The following PIM1 variants were observed in gnomAD, a reference collection of about 807,000 sequenced individuals.
The protein encoded by PIM1 is Pim-1 proto-oncogene, serine/threonine kinase, also known as serine/threonine-protein kinase pim-1.
A neutral mutation model predicts 34.5 loss-of-function variants in PIM1; 9 were observed. The ratio of observed to expected loss-of-function variants is 0.26; its 90% CI spans 0.16 to 0.46. The LOEUF (loss-of-function observed/expected upper bound fraction) is 0.46, where lower values mean the gene tolerates loss of function less well. PIM1 is among the 20% of genes least tolerant of loss of function. PIM1 has a pLI of 1.00. For missense variants in PIM1, 274 were observed against 410.9 expected (o/e 0.67, Z 2.88); for synonymous variants, 199 against 175.2 (o/e 1.14, Z -1.07).
In PIM1 at chr6:37,173,963, G is replaced by T. The variant is rs770738366; in HGVS notation, c.814G>T (p.Ala272Ser). The T allele has an allele frequency of 1.9e-6, 3 of 1,613,780 alleles. No individual in the cohort carries two copies. The highest frequency in any genetic ancestry group is 1.7e-6 in the Non-Finnish European group (2 of 1,179,932). Residue 272 changes from alanine (A) to serine (S), a missense_variant, in exon 6 of 6, where the codon GCC becomes TCC. By Grantham distance (99) the Ala-to-Ser change is moderately conservative. Around this residue, in one of 2 missense-constraint regions of PIM1, gnomAD observed 168 missense variants for 299.4 expected, o/e 0.56. Transcript: ENST00000373509. ...TCAGCATCTCATTAGATGGTGCTTG[G>T]CCCTGAGACCATCAGATAGGCCAAC... ...ECQHLIRWCL[A>S]LRPSDRPTFE...
At position 37,170,780 on chromosome 6, in the gene PIM1, G is replaced by A. The variant is rs537732412; in HGVS notation, c.90G>A (p.Glu30=). 6.2e-7 allele frequency: 1 copy of A among 1,612,556 alleles called. No homozygotes were observed. The highest frequency in any genetic ancestry group is 8.5e-7 in the Non-Finnish European group (1 of 1,179,636). The change falls in exon 2 of 6, where the codon GAG becomes GAA. Residue 30 remains glutamate, a synonymous_variant. Transcript: ENST00000373509. ...TGCTTCCCCCTTTCCTAGGCAAGGA[G>A]AAGGAGCCCCTGGAGTCGCAGTACC... is the stretch of plus-strand genomic sequence containing the variant. The part of the protein sequence containing the change: ...LHATKLAPGK[E]KEPLESQYQV...
intron 5 of PIM1, 55 bp from the exon 6 acceptor site, chr6:37,173,879 G>C (rs1041121186): frequency 1.3e-6 from 2 of 1,533,014 alleles, no homozygotes; most frequent in South Asian, 1.2e-5. Context: ...GAAGACCTTT[G>C]CAGTGTAAAA....
rs1304020664 is a variant in PIM1, at chr6:37,171,268, T to C, written c.384T>C (p.Asp128=). The part of the protein sequence containing the change: ...LILERPEPVQ[D]LFDFITERGA... Reference sequence around the variant, plus strand: ...TGGAGAGGCCCGAGCCGGTGCAAGATCTCTTCGACTTCATCACGGAAAGGG... The same window carrying C: ...TGGAGAGGCCCGAGCCGGTGCAAGACCTCTTCGACTTCATCACGGAAAGGG... The change falls in exon 4 of 6, where the codon GAT becomes GAC. Residue 128 remains aspartate, a synonymous_variant. Transcript: ENST00000373509. 33 of 1,613,944 alleles carry C rather than the reference T, an allele frequency of 2.0e-5. No homozygotes were observed. The highest frequency in any genetic ancestry group is 2.6e-5 in the Non-Finnish European group (31 of 1,180,028).
Position 37,175,100 on chromosome 6 carries a change from G to T in PIM1, c.*1009G>T. 4.3e-6 allele frequency: 1 copy of T among 233,540 alleles called. No individual in the cohort carries two copies. 14.5% of individuals were successfully genotyped at this position (233,540 alleles called of 1,614,324 possible). A position where few individuals can be genotyped will look rare whatever the true frequency, so the allele number is the denominator to read the frequency against. Reference sequence around the variant, plus strand: ...TCTGACTTGGGGACCTTTTGGGGGAGGGCTGCGACGCTTGCTCTGTTTGTG... The same window carrying T: ...TCTGACTTGGGGACCTTTTGGGGGATGGCTGCGACGCTTGCTCTGTTTGTG... On this transcript the variant is annotated 3_prime_UTR_variant, in exon 6 of 6. Transcript: ENST00000373509.
intron 4 of PIM1, chr6:37,172,530 G>A: frequency 2.2e-6 from 1 of 450,020 alleles, no homozygotes; most frequent in South Asian, 1.6e-5. Flanking sequence ...CTCCCAAAGG[G>A]CACCCTGACT....
chr6:37,172,962 A>AT, intron 4 of PIM1, 34 bp from the exon 5 acceptor site: 1 of 1,595,548 alleles, frequency 6.3e-7, no homozygotes, highest in Non-Finnish European at 8.6e-7. Flanking sequence ...TTTTGCTAAA[A>AT]GTGTGTTTTC....
rs896633030 is a variant in PIM1 at position 37,170,197 on chromosome 6, G to T, written c.-379G>T. 7.7e-6 allele frequency: 9 copies of T among 1,167,900 alleles called. No homozygotes were observed. The highest frequency in any genetic ancestry group is 9.6e-6 in the Non-Finnish European group (9 of 937,166). 72.3% of individuals were successfully genotyped at this position (1,167,900 alleles called of 1,614,324 possible). A position where few individuals can be genotyped will look rare whatever the true frequency, so the allele number is the denominator to read the frequency against. ...CCGGGCGTCTGCTGCAGCGGCCGCGGTGGCTGAGGAGGCCCGAGAGGAGTC... is the reference window on the plus strand; with the variant it reads ...CCGGGCGTCTGCTGCAGCGGCCGCGTTGGCTGAGGAGGCCCGAGAGGAGTC... On this transcript the variant is annotated 5_prime_UTR_variant, in exon 1 of 6. Transcript: ENST00000373509.
intron 5 of PIM1, among the ~76,000 whole-genome samples, chr6:37,173,602 C>A (rs1227840709): frequency 6.6e-6 from 1 of 152,142 alleles, no homozygotes; most frequent in Non-Finnish European, 1.5e-5. Flanking sequence ...TGAATTGAAT[C>A]ATTTCATCAT....
intron 4 of PIM1, among the ~76,000 whole-genome samples, chr6:37,171,792 T>G (rs757375372): frequency 6.6e-6 from 1 of 152,186 alleles, no homozygotes; most frequent in South Asian, 2.1e-4. Context: ...TTTTCTAAAG[T>G]CTGACCCAGT....
chr6:37,175,068 T>C lies in PIM1; in HGVS notation c.*977T>C. The C allele has an allele frequency of 4.3e-6, 1 of 233,620 alleles. No homozygotes were observed. Among genetic ancestry groups the C allele is most frequent in the Non-Finnish European group, 8.5e-6 (1 of 118,154 alleles). 14.5% of individuals were successfully genotyped at this position (233,620 alleles called of 1,614,324 possible). ...TGCTGCCCTAGTTTTCTTTCCTCCT[T>C]TCCTCCTCTGACTTGGGGACCTTTT... On this transcript the variant is annotated 3_prime_UTR_variant, in exon 6 of 6. Coordinates refer to ENST00000373509, the MANE Select transcript of PIM1 (RefSeq NM_002648.4).
chr6:37,173,275 G>A, intron 5 of PIM1, 103 bp downstream of exon 5: 2 of 1,022,728 alleles, frequency 2.0e-6, no homozygotes, highest in Non-Finnish European at 2.9e-6. Context: ...CTCTCCAGTA[G>A]ATTCTGTCAC....
rs1170994905 is a variant in PIM1 at position 37,170,369 on chromosome 6, C to T, written c.-207C>T. ...AGCGCTGCCCGACCCCGCTGGCGCG[C>T]CCTCCCGCCGCCAGTCCCGGCAGCG... On this transcript the variant is annotated 5_prime_UTR_variant, in exon 1 of 6. Coordinates refer to ENST00000373509, the MANE Select transcript of PIM1 (RefSeq NM_002648.4). 6.6e-7 allele frequency: 1 copy of T among 1,521,204 alleles called. No homozygotes were observed. Among genetic ancestry groups the T allele is most frequent in the Non-Finnish European group, 8.8e-7 (1 of 1,140,446 alleles). 94.2% of individuals were successfully genotyped at this position (1,521,204 alleles called of 1,614,324 possible).
At chr6:37,172,323 A>G (rs1257928019) in intron 4 of PIM1, 3 of 306,064 alleles carry the variant, frequency 9.8e-6, no homozygotes, top group Non-Finnish European at 1.9e-5. Context: ...GGGTCCTCCC[A>G]TGTTTTTTCT....
chr6:37,170,803 A>G lies in PIM1; in HGVS notation c.113A>G (p.Tyr38Cys), dbSNP rs761386793. ...GKEKEPLESQ[Y>C]QVGPLLGSGG... ...GAGAAGGAGCCCCTGGAGTCGCAGT[A>G]CCAGGTGGGCCCGCTACTGGGCAGC... Residue 38 changes from tyrosine to cysteine, a missense_variant, in exon 2 of 6, where the codon TAC (tyrosine) becomes TGC (cysteine). By Grantham distance (194) the Tyr-to-Cys change is radical. This residue lies in a region of PIM1 where 106 missense variants were observed against 111.5 expected (regional missense o/e 0.95). Transcript: ENST00000373509. 6.2e-7 allele frequency: 1 copy of G among 1,612,788 alleles called. No individual in the cohort carries two copies. The highest frequency in any genetic ancestry group is 2.2e-5 in the East Asian group (1 of 44,788).
At chr6:37,170,706 A>G (rs2113769291) in intron 1 of PIM1, 49 bp downstream of exon 1, 1 of 1,605,128 alleles carries the variant, frequency 6.2e-7, no homozygotes, top group Non-Finnish European at 8.5e-7. Context: ...CGGCGGCGGG[A>G]TCTCCTGGGT....
intron 5 of PIM1, 53 bp downstream of exon 5, chr6:37,173,225 A>C (rs1762340165): frequency 6.6e-7 from 1 of 1,524,406 alleles, no homozygotes; most frequent in Non-Finnish European, 9.1e-7. Context: ...TGGGGCTATT[A>C]GTCTTCATGG....
At chr6:37,170,916 G>A in intron 2 of PIM1, 37 bp downstream of exon 2, 1 of 1,612,442 alleles carries the variant, frequency 6.2e-7, no homozygotes, top group Non-Finnish European at 8.5e-7. Flanking sequence ...GGCGCGCCGG[G>A]CGGGGGGCGC....
In PIM1 at chr6:37,174,469, G is replaced by T; in HGVS notation, c.*378G>T. On this transcript the variant is annotated 3_prime_UTR_variant, in exon 6 of 6. Transcript: ENST00000373509. ...CGATGGGTCAGGTAGGGGGGAAACA[G>T]GTTGGGATGGGATAGGACTAGCACC... The T allele has an allele frequency of 3.8e-6, 1 of 262,770 alleles. No homozygotes were observed. The highest frequency in any genetic ancestry group is 7.4e-6 in the Non-Finnish European group (1 of 134,742). The allele number at this position is 262,770 out of a possible 1,614,324, so 16.3% of individuals were successfully genotyped here. A position where few individuals can be genotyped will look rare whatever the true frequency, so the allele number is the denominator to read the frequency against.
At chr6:37,172,825 G>C (rs1032084726) in intron 4 of PIM1, 171 bp from the exon 5 acceptor site, 1 of 706,160 alleles carries the variant, frequency 1.4e-6, no homozygotes, top group Admixed American at 2.0e-5. Flanking sequence ...GAGAGATGCC[G>C]TAAGGTGCGC....
Sources: allele counts gnomAD v4.1 joint callset (sites outside exome capture counted in the v4.1 genomes callset), GRCh38; gene constraint gnomAD v4.1.1; regional missense constraint gnomAD v4.1.1; transcripts MANE v1.5; gene names NCBI Gene and HGNC (gene_info 2026-07-23, HGNC 2026-07-21).